The following GSE1 variants were observed in gnomAD, a reference collection of about 807,000 sequenced individuals.
GSE1 encodes Gse1 coiled-coil protein.
Under a neutral mutation model 112.6 loss-of-function variants are expected in GSE1, and 32 were observed. The observed-to-expected ratio is 0.28, with a 90% confidence interval of 0.21 to 0.38. The LOEUF is 0.38. Ranked by LOEUF, GSE1 falls within the 10% of genes least tolerant of loss-of-function variation. The probability of loss-of-function intolerance (pLI) is 1.00; values close to 1 mark genes in which losing one functional copy is unlikely to be tolerated. For synonymous variants in GSE1, 1,115 were observed against 735.6 expected (o/e 1.52, Z -8.35); for missense variants, 2,348 against 1,699.2 (o/e 1.38, Z -6.71).
At chr16:85,182,392 A>G (rs187083237) in intron 1 of GSE1, among the ~76,000 whole-genome samples, 1 of 152,304 alleles carries the variant, frequency 6.6e-6, no homozygotes, top group East Asian at 1.9e-4. Flanking sequence ...CTCACGTGTG[A>G]GCCCCATGGT....
intron 1 of GSE1, among the ~76,000 whole-genome samples, chr16:85,618,574 G>A (rs2048525730): frequency 6.6e-6 from 1 of 152,240 alleles, no homozygotes; most frequent in Non-Finnish European, 1.5e-5. Context: ...TGTATCCTGA[G>A]GCTGTTGAGG....
intron 1 of GSE1, among the ~76,000 whole-genome samples, chr16:85,253,808 T>G (rs1456135901): frequency 6.7e-6 from 1 of 148,750 alleles, no homozygotes; most frequent in Non-Finnish European, 1.5e-5. Flanking sequence ...GAGGCTGCTC[T>G]TGGCAGTGAG....
chr16:85,494,537 C>T (rs1455091712), intron 2 of GSE1, among the ~76,000 whole-genome samples: 2 of 151,282 alleles, frequency 1.3e-5, no homozygotes, highest in African/African-American at 2.4e-5. Flanking sequence ...ACTGCAGCCT[C>T]CACTTCCAGG....
chr16:85,326,217 G>A (rs894238770), intron 1 of GSE1, among the ~76,000 whole-genome samples: 2 of 151,990 alleles, frequency 1.3e-5, no homozygotes, highest in African/African-American at 2.4e-5. Context: ...GGGAGGGGCG[G>A]TTAAGCCTAA....
chr16:85,640,657 C>CT (rs1462097726), intron 2 of GSE1, among the ~76,000 whole-genome samples: 1 of 152,268 alleles, frequency 6.6e-6, no homozygotes. Context: ...CGTGGGAATG[C>CT]TTCCACCGTG....
chr16:85,400,291 G>T (rs1255483217), intron 2 of GSE1, among the ~76,000 whole-genome samples: 1 of 151,908 alleles, frequency 6.6e-6, no homozygotes, highest in South Asian at 2.1e-4. Flanking sequence ...GTAATTGTGT[G>T]TGTGTGTTTC....
intron 1 of GSE1, among the ~76,000 whole-genome samples, chr16:85,341,530 C>T (rs2046623747): frequency 6.6e-6 from 1 of 152,030 alleles, no homozygotes; most frequent in Non-Finnish European, 1.5e-5. Flanking sequence ...TGGTGGCAGG[C>T]ACCTGTAATC....
intron 2 of GSE1, among the ~76,000 whole-genome samples, chr16:85,378,000 A>G (rs2047458536): frequency 6.6e-6 from 1 of 152,212 alleles, no homozygotes; most frequent in Non-Finnish European, 1.5e-5. Context: ...CGGCTCCGTC[A>G]TCTGCACCCC....
At chr16:85,620,372 C>T (rs1241031151) in intron 1 of GSE1, among the ~76,000 whole-genome samples, 1 of 152,202 alleles carries the variant, frequency 6.6e-6, no homozygotes, top group Non-Finnish European at 1.5e-5. Context: ...TCCCAGTGTA[C>T]ATTTATCTTT....
At chr16:85,512,389 AG>A (rs1031282813) in intron 2 of GSE1, among the ~76,000 whole-genome samples, 18 of 152,288 alleles carry the variant, frequency 1.2e-4, no homozygotes, top group African/African-American at 4.3e-4. Flanking sequence ...GTTCTCCAGA[AG>A]GGACTCCACA....
intron 1 of GSE1, among the ~76,000 whole-genome samples, chr16:85,258,254 C>T (rs1480652431): frequency 6.6e-6 from 1 of 152,216 alleles, no homozygotes; most frequent in Non-Finnish European, 1.5e-5. Context: ...GCCCATCGCA[C>T]CGCTGGGAGC....
chr16:85,529,718 G>A (rs1434520603), intron 2 of GSE1, among the ~76,000 whole-genome samples: 1 of 152,172 alleles, frequency 6.6e-6, no homozygotes, highest in Non-Finnish European at 1.5e-5. Flanking sequence ...GTAGGCTAGG[G>A]GAGGGTAGGT....
Position 85,663,412 on chromosome 16 carries a change from G to T in GSE1, c.2442G>T (p.Lys814Asn). ...AGAAGGAGGAATTGGTGGCCCAGAA[G>T]CGGAGGAAGCGGCGGAGGATGCTGC... ...QQQKEELVAQ[K>N]RRKRRRMLRE... The change falls in exon 11 of 16, where the codon AAG (lysine) becomes AAT (asparagine). Residue 814 changes from lysine to asparagine, a missense_variant. Transcript: ENST00000253458. The T allele has an allele frequency of 6.2e-7, 1 of 1,613,948 alleles. No homozygotes were observed.
At chr16:85,359,478 G>A (rs1299521532) in intron 2 of GSE1, 8 of 453,006 alleles carry the variant, frequency 1.8e-5, no homozygotes, top group Non-Finnish European at 3.1e-5. Flanking sequence ...TTTGGCAAAT[G>A]AATGAGTCAT....
chr16:85,374,525 CGT>C (rs995782310), intron 2 of GSE1, among the ~76,000 whole-genome samples: 293 of 142,484 alleles, frequency 2.1e-3, no homozygotes, highest in African/African-American at 7.0e-3. Context: ...TCAGTGTGTG[CGT>C]GTGTGTGTGT....
chr16:85,204,462 A>G (rs558041861), intron 1 of GSE1, among the ~76,000 whole-genome samples: 2 of 152,356 alleles, frequency 1.3e-5, no homozygotes, highest in African/African-American at 4.8e-5. Flanking sequence ...TCTCTGAGGA[A>G]TTCTCAGTTC....
chr16:85,316,893 G>T (rs1209144098), intron 1 of GSE1, among the ~76,000 whole-genome samples: 1 of 152,204 alleles, frequency 6.6e-6, no homozygotes, highest in Non-Finnish European at 1.5e-5. Flanking sequence ...CGGCCTCAAA[G>T]AGTGGAAAAA....
At chr16:85,519,310 C>T (rs1157175377) in intron 2 of GSE1, among the ~76,000 whole-genome samples, 8 of 136,248 alleles carry the variant, frequency 5.9e-5, no homozygotes, top group Admixed American at 4.4e-4. Context: ...TCTCCATCAT[C>T]ATCACCTTCA....
At chr16:85,389,014 G>A (rs2047770984) in intron 2 of GSE1, among the ~76,000 whole-genome samples, 1 of 152,188 alleles carries the variant, frequency 6.6e-6, no homozygotes, top group Admixed American at 6.5e-5. Flanking sequence ...CGATGTTGAG[G>A]GTAATCTCTG....
Sources: allele counts gnomAD v4.1 joint callset (sites outside exome capture counted in the v4.1 genomes callset), GRCh38; gene constraint gnomAD v4.1.1; transcripts MANE v1.5; gene names NCBI Gene and HGNC (gene_info 2026-07-23, HGNC 2026-07-21).